RBFOX1: variants seen among roughly 807,000 people sequenced by gnomAD.
RBFOX1 encodes RNA binding protein fox-1 homolog 1.
A neutral mutation model predicts 57.7 loss-of-function variants in RBFOX1; 8 were observed. The observed-to-expected ratio is 0.14, with a 90% CI of 0.08 to 0.25. RBFOX1 has a LOEUF of 0.25. RBFOX1 is among the 10% of genes least tolerant of loss of function. RBFOX1 has a pLI of 1.00. For synonymous variants in RBFOX1, 326 were observed against 222.4 expected (o/e 1.47, Z -4.15); for missense variants, 611 against 548.5 (o/e 1.11, Z -1.14).
At chr16:7,453,013 C>T (rs2057689963) in intron 4 of RBFOX1, among the ~76,000 whole-genome samples, 2 of 151,396 alleles carry the variant, frequency 1.3e-5, no homozygotes, top group Middle Eastern at 3.5e-3. Context: ...CCTGTAATTG[C>T]AGCTACTAGG....
intron 2 of RBFOX1, among the ~76,000 whole-genome samples, chr16:6,435,672 A>T (rs530860379): frequency 6.6e-6 from 1 of 152,268 alleles, no homozygotes; most frequent in East Asian, 1.9e-4. Context: ...CCCATTTCCA[A>T]GTGGTTTGCC....
chr16:7,113,603 A>G (rs1311716854), intron 4 of RBFOX1, among the ~76,000 whole-genome samples: 2 of 152,224 alleles, frequency 1.3e-5, no homozygotes, highest in East Asian at 3.9e-4. Flanking sequence ...GCAAATTATT[A>G]TGTTAGCATA....
At chr16:5,532,650 C>G (rs949520892) in intron 2 of RBFOX1, among the ~76,000 whole-genome samples, 1 of 152,208 alleles carries the variant, frequency 6.6e-6, no homozygotes, top group African/African-American at 2.4e-5. Context: ...GCTGAAGATT[C>G]TAGCAGTTAA....
intron 3 of RBFOX1, among the ~76,000 whole-genome samples, chr16:6,898,777 CT>C (rs2067631502): frequency 6.6e-6 from 1 of 151,438 alleles, no homozygotes; most frequent in South Asian, 2.1e-4. Context: ...GCACATGCAT[CT>C]GTGTGTATGC....
chr16:7,051,923 A>G (rs2050220246), intron 3 of RBFOX1, 134 bp from the exon 4 acceptor site: 1 of 1,382,672 alleles, frequency 7.2e-7, no homozygotes, highest in African/African-American at 1.5e-5. Flanking sequence ...AGACCTAAAG[A>G]AAAATTAAAT....
At chr16:7,153,778 T>G (rs1023557665) in intron 4 of RBFOX1, among the ~76,000 whole-genome samples, 3 of 151,798 alleles carry the variant, frequency 2.0e-5, no homozygotes, top group Non-Finnish European at 2.9e-5. Flanking sequence ...TGTGTTTTAT[T>G]GTTCTGCTTG....
At chr16:5,822,834 C>T (rs1262852798) in intron 3 of RBFOX1, among the ~76,000 whole-genome samples, 1 of 152,162 alleles carries the variant, frequency 6.6e-6, no homozygotes, top group Non-Finnish European at 1.5e-5. Context: ...TCCAGCTCTG[C>T]CATGCACATC....
At chr16:7,299,811 C>A (rs2095987714) in intron 4 of RBFOX1, among the ~76,000 whole-genome samples, 7 of 152,184 alleles carry the variant, frequency 4.6e-5, no homozygotes, top group Admixed American at 4.6e-4. Flanking sequence ...CTACAGAATT[C>A]ATGTAGACAT....
intron 1 of RBFOX1, among the ~76,000 whole-genome samples, chr16:6,197,007 A>G (rs548518277): frequency 1.3e-5 from 2 of 152,354 alleles, no homozygotes; most frequent in East Asian, 3.9e-4. Context: ...GGAATAAAAA[A>G]GAAGAAAGAC....
At chr16:5,389,585 C>T (rs1360519151) in intron 1 of RBFOX1, among the ~76,000 whole-genome samples, 1 of 152,100 alleles carries the variant, frequency 6.6e-6, no homozygotes, top group African/African-American at 2.4e-5. Context: ...TTGGGCATTC[C>T]CTTCTTTTTT....
intron 2 of RBFOX1, among the ~76,000 whole-genome samples, chr16:6,649,855 G>T (rs1249487663): frequency 6.6e-6 from 1 of 151,948 alleles, no homozygotes; most frequent in African/African-American, 2.4e-5. Context: ...ATTATATATT[G>T]TATTCATCTA....
intron 3 of RBFOX1, among the ~76,000 whole-genome samples, chr16:5,765,841 A>C (rs929725777): frequency 6.6e-6 from 1 of 152,230 alleles, no homozygotes; most frequent in African/African-American, 2.4e-5. Flanking sequence ...GGCAAGAACA[A>C]GGATGGGAGT....
At chr16:6,354,529 C>A (rs1400106373) in intron 2 of RBFOX1, among the ~76,000 whole-genome samples, 1 of 152,140 alleles carries the variant, frequency 6.6e-6, no homozygotes, top group African/African-American at 2.4e-5. Flanking sequence ...AACATCTTTC[C>A]CAAGATCAGG....
At chr16:6,788,174 A>G (rs1392312484) in intron 3 of RBFOX1, among the ~76,000 whole-genome samples, 3 of 152,176 alleles carry the variant, frequency 2.0e-5, no homozygotes, top group Admixed American at 1.3e-4. Context: ...GTGAGCTGAG[A>G]TCGTGCCAGT....
chr16:6,802,139 G>T (rs2085617824), intron 3 of RBFOX1, among the ~76,000 whole-genome samples: 1 of 151,740 alleles, frequency 6.6e-6, no homozygotes, highest in South Asian at 2.1e-4. Context: ...CAGGATTTAA[G>T]CCCCAGGAAA....
chr16:5,399,986 A>G (rs2066667734), intron 1 of RBFOX1, among the ~76,000 whole-genome samples: 1 of 151,982 alleles, frequency 6.6e-6, no homozygotes, highest in South Asian at 2.1e-4. Flanking sequence ...GTCTAACCAT[A>G]TGTTTGCCCT....
At chr16:7,672,648 G>C (rs1568389755) in intron 13 of RBFOX1, among the ~76,000 whole-genome samples, 1 of 151,848 alleles carries the variant, frequency 6.6e-6, no homozygotes, top group African/African-American at 2.4e-5. Context: ...CAGATTGCTT[G>C]AGGCCAGGGG....
At chr16:6,301,065 A>G (rs2078764239) in intron 1 of RBFOX1, among the ~76,000 whole-genome samples, 1 of 152,100 alleles carries the variant, frequency 6.6e-6, no homozygotes, top group Non-Finnish European at 1.5e-5. Flanking sequence ...TTTATTTCCT[A>G]TGAGTTGTCA....
chr16:7,678,784 A>G (rs1401821414), intron 14 of RBFOX1, among the ~76,000 whole-genome samples: 1 of 152,198 alleles, frequency 6.6e-6, no homozygotes, highest in Non-Finnish European at 1.5e-5. Flanking sequence ...GCATTTTGGA[A>G]CACCATACAT....
Sources: allele counts gnomAD v4.1 joint callset (sites outside exome capture counted in the v4.1 genomes callset), GRCh38; gene constraint gnomAD v4.1.1; transcripts MANE v1.5; gene names NCBI Gene and HGNC (gene_info 2026-07-23, HGNC 2026-07-21).